The following AP3B1 variants were observed in gnomAD, a reference collection of about 807,000 sequenced individuals.
The protein encoded by AP3B1 is adaptor related protein complex 3 subunit beta 1.
A neutral mutation model predicts 132.5 loss-of-function variants in AP3B1; 61 were observed. The observed-to-expected ratio is 0.46, with a 90% CI of 0.37 to 0.57. The LOEUF is 0.57. Ranked by LOEUF, AP3B1 falls within the 20% of genes least tolerant of loss-of-function variation. The probability of loss-of-function intolerance (pLI) is 0.00; values close to 1 mark genes in which losing one functional copy is unlikely to be tolerated. For synonymous variants in AP3B1, 388 were observed against 438.3 expected (o/e 0.89, Z 1.43); for missense variants, 1,120 against 1,289.4 (o/e 0.87, Z 2.01).
At chr5:78,044,652 G>C (rs552467681) in intron 22 of AP3B1, among the ~76,000 whole-genome samples, 3 of 152,160 alleles carry the variant, frequency 2.0e-5, no homozygotes, top group Admixed American at 6.5e-5. Context: ...CAGCGGCCAG[G>C]AATCAGTACT....
rs201587714 is a variant in AP3B1 at position 78,113,920 on chromosome 5, C to G, written c.2081G>C (p.Ser694Thr). The change falls in exon 19 of 27, where the codon AGT becomes ACT. Residue 694 changes from serine (S) to threonine (T), a missense_variant. Physicochemically the swap from Ser to Thr is moderately conservative, Grantham distance 58. Transcript: ENST00000255194. ...TTCTCCACTTTCACTTCCAGATTCA[C>G]TCTCTGAAAAACAGAACCAGATGTT... ...DSSDSSSDSE[S>T]ESGSESGEQG... The G allele has an allele frequency of 1.6e-5, 26 of 1,614,082 alleles. No individual in the cohort carries two copies. Among genetic ancestry groups the G allele is most frequent in the Non-Finnish European group, 2.2e-5 (26 of 1,179,968 alleles).
intron 1 of AP3B1, among the ~76,000 whole-genome samples, chr5:78,290,555 T>C (rs932926221): frequency 6.6e-6 from 1 of 152,154 alleles, no homozygotes; most frequent in Non-Finnish European, 1.5e-5. Flanking sequence ...TTATTTTTAA[T>C]TATAGGCACA....
intron 21 of AP3B1, among the ~76,000 whole-genome samples, chr5:78,097,958 C>T (rs368960312): frequency 6.6e-6 from 1 of 152,152 alleles, no homozygotes; most frequent in Non-Finnish European, 1.5e-5. Context: ...GCCTTGGGAT[C>T]CTGTTGATCC....
intron 13 of AP3B1, among the ~76,000 whole-genome samples, chr5:78,161,196 C>G (rs1014799450): frequency 2.4e-4 from 37 of 151,272 alleles, no homozygotes; most frequent in African/African-American, 9.0e-4. Flanking sequence ...CTTTTAAAGT[C>G]AATAAAAATA....
chr5:78,080,159 C>T (rs1317798944), intron 22 of AP3B1, among the ~76,000 whole-genome samples: 1 of 152,096 alleles, frequency 6.6e-6, no homozygotes, highest in African/African-American at 2.4e-5. Context: ...CAGGTGTGTG[C>T]CACCATGCCC....
chr5:78,166,147 A>T (rs1262954456), intron 11 of AP3B1, among the ~76,000 whole-genome samples: 3 of 144,732 alleles, frequency 2.1e-5, no homozygotes, highest in Non-Finnish European at 4.7e-5. Context: ...ACACACACAC[A>T]CACACACACA....
In AP3B1 at chr5:78,128,021, T is replaced by C. The variant is rs750895201; in HGVS notation, c.1968+9A>G. 4 of 1,612,058 alleles carry C rather than the reference T, an allele frequency of 2.5e-6. No homozygotes were observed. The African/African-American group carries it at 5.3e-5, about 22-fold the overall frequency. ...TTTGGCAAAATTAATTTCAGAAAGGTCAACTTACCAACTCTATTACTTCTA... is the reference window on the plus strand; with the variant it reads ...TTTGGCAAAATTAATTTCAGAAAGGCCAACTTACCAACTCTATTACTTCTA... On this transcript the variant is annotated intron_variant, in intron 17 of 26. Coordinates refer to ENST00000255194, the MANE Select transcript of AP3B1 (RefSeq NM_003664.5).
Position 78,239,353 on chromosome 5 carries a change from C to T in AP3B1, c.279+1509G>A, listed in dbSNP as rs569506709. 1.4e-4 allele frequency among the ~76,000 whole-genome samples: 21 copies of T among 151,256 alleles called. 1 individual carries two copies. In the East Asian group the frequency reaches 4.1e-3, roughly 30 times the overall value. On this transcript the variant is annotated intron_variant, in intron 3 of 26. Coordinates refer to ENST00000255194, the MANE Select transcript of AP3B1 (RefSeq NM_003664.5). ...GGACATGGTGGCATGCACCTGTAGT[C>T]CCAGCCACTCAGGAGGCTGAGGAAG... is the stretch of plus-strand genomic sequence containing the variant.
intron 11 of AP3B1, among the ~76,000 whole-genome samples, chr5:78,170,516 A>T (rs1756840057): frequency 6.6e-6 from 1 of 152,192 alleles, no homozygotes; most frequent in African/African-American, 2.4e-5. Context: ...AATGAGGATG[A>T]GCATTTTTTC....
chr5:78,226,980 A>G (rs1022299144), intron 5 of AP3B1, among the ~76,000 whole-genome samples: 1 of 152,158 alleles, frequency 6.6e-6, no homozygotes, highest in Non-Finnish European at 1.5e-5. Flanking sequence ...GAAAACACAT[A>G]TAAGTGAGTT....
chr5:78,194,804 G>A (rs937571224), intron 7 of AP3B1, among the ~76,000 whole-genome samples: 10 of 152,144 alleles, frequency 6.6e-5, no homozygotes, highest in African/African-American at 2.4e-4. Context: ...AAGGTAATGT[G>A]TATCTCCAAA....
chr5:78,232,459 T>C (rs1221541857), intron 3 of AP3B1, among the ~76,000 whole-genome samples: 1 of 152,258 alleles, frequency 6.6e-6, no homozygotes, highest in East Asian at 1.9e-4. Flanking sequence ...ACCATGCATC[T>C]ACAGATGATA....
At chr5:78,092,893 T>C (rs966870824) in intron 21 of AP3B1, among the ~76,000 whole-genome samples, 1 of 152,252 alleles carries the variant, frequency 6.6e-6, no homozygotes, top group African/African-American at 2.4e-5. Flanking sequence ...CAAGCAGTCC[T>C]CCTGTCTCAG....
intron 17 of AP3B1, among the ~76,000 whole-genome samples, chr5:78,121,308 T>C (rs929335624): frequency 1.3e-5 from 2 of 151,714 alleles, no homozygotes; most frequent in Non-Finnish European, 2.9e-5. Flanking sequence ...GCAAACACAT[T>C]CAAAAGCTAG....
intron 17 of AP3B1, among the ~76,000 whole-genome samples, chr5:78,121,469 G>A (rs1752190468): frequency 6.6e-6 from 1 of 152,064 alleles, no homozygotes; most frequent in African/African-American, 2.4e-5. Context: ...AAGAAGAAAA[G>A]AGAGAAGAAT....
chr5:78,128,197 T>G, intron 16 of AP3B1, 37 bp from the exon 17 acceptor site: 2 of 1,511,312 alleles, frequency 1.3e-6, no homozygotes, highest in Non-Finnish European at 1.8e-6. Flanking sequence ...ATAAACAATA[T>G]GAGCTGTATA....
chr5:78,178,471 A>G (rs1226269361), intron 8 of AP3B1, among the ~76,000 whole-genome samples: 1 of 152,072 alleles, frequency 6.6e-6, no homozygotes, highest in South Asian at 2.1e-4. Flanking sequence ...AAATACAAAA[A>G]TTAGGTTAAG....
intron 24 of AP3B1, among the ~76,000 whole-genome samples, chr5:78,025,808 C>A (rs1747317659): frequency 6.6e-6 from 1 of 152,206 alleles, no homozygotes; most frequent in African/African-American, 2.4e-5. Context: ...CTTATTTGGT[C>A]ATGCCACTGC....
chr5:78,120,431 T>C (rs372665409), intron 17 of AP3B1, among the ~76,000 whole-genome samples: 214 of 146,112 alleles, frequency 1.5e-3, no homozygotes, highest in East Asian at 8.0e-3. Context: ...CATCAGTGTG[T>C]TGTATTCAGG....
Sources: allele counts gnomAD v4.1 joint callset (sites outside exome capture counted in the v4.1 genomes callset), GRCh38; gene constraint gnomAD v4.1.1; transcripts MANE v1.5; gene names NCBI Gene and HGNC (gene_info 2026-07-23, HGNC 2026-07-21).